FASTK: variants seen among roughly 807,000 people sequenced by gnomAD.
FASTK encodes Fas activated serine/threonine kinase, also known as fas-activated serine/threonine kinase.
Under a neutral mutation model 60.0 loss-of-function variants are expected in FASTK, and 28 were observed. The observed-to-expected ratio is 0.47, with a 90% CI of 0.35 to 0.64. The LOEUF (loss-of-function observed/expected upper bound fraction) is 0.64. Among genes scored for constraint, FASTK ranks in the 30% least tolerant of loss-of-function variants. The probability of loss-of-function intolerance (pLI) is 0.01; values close to 1 mark genes in which losing one functional copy is unlikely to be tolerated. For missense variants in FASTK, 595 were observed against 713.8 expected (o/e 0.83, Z 1.90); for synonymous variants, 325 against 307.9 (o/e 1.06, Z -0.58).
rs1463415685 is a variant in FASTK, at chr7:151,078,636, G to A, written c.751C>T (p.Arg251Trp). ...TCCAGAAGCTGGGGCTCCCGCAACC[G>A]GTGCCGGGCCAGGTGCTGGGCCAGG... ...VLLAQHLARH[R>W]LREPQLLEAI... Residue 251 changes from arginine to tryptophan, a missense_variant, in exon 4 of 10, where the codon CGG (arginine) becomes TGG (tryptophan). Arg to Trp is a moderately radical substitution (Grantham distance 101). Around this residue, in one of 2 missense-constraint regions of FASTK, gnomAD observed 471 missense variants for 605.9 expected, o/e 0.78. Transcript: ENST00000297532. 1.9e-6 allele frequency: 3 copies of A among 1,613,468 alleles called. No homozygotes were observed. Among genetic ancestry groups the A allele is most frequent in the Non-Finnish European group, 2.5e-6 (3 of 1,179,996 alleles).
Position 151,077,605 on chromosome 7 carries a change from A to G in FASTK, c.1199+16T>C. The G allele has an allele frequency of 6.5e-7, 1 of 1,534,920 alleles. No homozygotes were observed. Among genetic ancestry groups the G allele is most frequent in the South Asian group, 1.3e-5 (1 of 79,080 alleles). ...CCAGGCTGGCCCCTCCCCTTGCCCC[A>G]GGCTGCCCCATCCACCTGTACTTGC... is the stretch of plus-strand genomic sequence containing the variant. On this transcript the variant is annotated intron_variant, in intron 6 of 9. Coordinates refer to ENST00000297532, the MANE Select transcript of FASTK (RefSeq NM_006712.5).
chr7:151,079,371 C>CG, intron 2 of FASTK, 129 bp downstream of exon 2: 6 of 894,334 alleles, frequency 6.7e-6, no homozygotes, highest in Non-Finnish European at 1.0e-5. Context: ...AGACATAGGA[C>CG]GGGAGCAGGA....
Position 151,079,582 on chromosome 7 carries a change from G to A in FASTK, c.423C>T (p.Asp141=). Residue 141 remains aspartate (D), a synonymous_variant, in exon 2 of 10, where the codon GAC becomes GAT. Coordinates refer to ENST00000297532, the MANE Select transcript of FASTK (RefSeq NM_006712.5). ...AGTTTCGGATGATGAGCTGACTCAA[G>A]TCCTGCAGTGTGACCTGCTCCACAG... is the stretch of plus-strand genomic sequence containing the variant. ...PPPVEQVTLQ[D]LSQLIIRNCP... 4 of 1,614,030 alleles carry A rather than the reference G, an allele frequency of 2.5e-6. No individual in the cohort carries two copies. The Middle Eastern group carries it at 5.0e-4, about 200-fold the overall frequency.
intron 4 of FASTK, 126 bp from the exon 5 acceptor site, chr7:151,078,218 C>T (rs751858616): frequency 2.7e-6 from 2 of 733,118 alleles, no homozygotes; most frequent in South Asian, 3.7e-5. Flanking sequence ...ACAGTCCCTC[C>T]GGCCTCACAG....
chr7:151,077,739 G>C lies in FASTK; in HGVS notation c.1081C>G (p.Leu361Val). 6.3e-7 allele frequency: 1 copy of C among 1,597,128 alleles called. No homozygotes were observed. ...AGCTCCAGCTCCACGGCCGTGTCCA[G>C]CAGGGAGAGGTAGCGACGCACAATC... Reference protein sequence around the residue: ...ALIVRRYLSLLDTAVELELPG... With the variant: ...ALIVRRYLSLVDTAVELELPG... Residue 361 changes from leucine to valine, a missense_variant, in exon 6 of 10, where the codon CTG (leucine) becomes GTG (valine). By Grantham distance (32) the Leu-to-Val change is conservative (BLOSUM62 1). Around this residue, in one of 2 missense-constraint regions of FASTK, gnomAD observed 471 missense variants for 605.9 expected, o/e 0.78. Coordinates refer to ENST00000297532, the MANE Select transcript of FASTK (RefSeq NM_006712.5).
chr7:151,080,708 G>C lies in FASTK; in HGVS notation c.59C>G (p.Thr20Ser), dbSNP rs1563388818. 2 of 1,384,410 alleles carry C rather than the reference G, an allele frequency of 1.4e-6. No homozygotes were observed. The highest frequency in any genetic ancestry group is 6.2e-5 in the East Asian group (2 of 32,444). The allele number at this position is 1,384,410 out of a possible 1,614,324, so 85.8% of individuals were successfully genotyped here. The change falls in exon 1 of 10, where the codon ACC (threonine) becomes AGC (serine). Residue 20 changes from threonine (T) to serine (S), a missense_variant. Transcript: ENST00000297532. ...PRAPRPTEGA[T>S]CAGPGESWSP... ...ACATGACTCCCCGGGCCCTGCGCAG[G>C]TCGCTCCCTCAGTCGGTCTCGGGGC...
At chr7:151,079,283 G>T in intron 2 of FASTK, 1 of 597,822 alleles carries the variant, frequency 1.7e-6, no homozygotes. Flanking sequence ...GGCTTCCTAG[G>T]GCACTCTATT....
intron 4 of FASTK, 79 bp downstream of exon 4, chr7:151,078,483 C>T: frequency 6.6e-7 from 1 of 1,507,222 alleles, no homozygotes; most frequent in Non-Finnish European, 9.1e-7. Context: ...AAAAGGATAG[C>T]CGAGCTGCAC....
At position 151,077,185 on chromosome 7, in the gene FASTK, T is replaced by C. The variant is rs906773220; in HGVS notation, c.1343A>G (p.Gln448Arg). 6 of 1,613,090 alleles carry C rather than the reference T, an allele frequency of 3.7e-6. No individual in the cohort carries two copies. The highest frequency in any genetic ancestry group is 4.2e-6 in the Non-Finnish European group (5 of 1,179,716). The change falls in exon 8 of 10, where the codon CAG becomes CGG. Residue 448 changes from glutamine (Q) to arginine (R), a missense_variant. Physicochemically the swap from Gln to Arg is conservative, Grantham distance 43. Coordinates refer to ENST00000297532, the MANE Select transcript of FASTK (RefSeq NM_006712.5). ...TGGTGGGTATGGCAGGAAGGGGTCC[T>C]GGGTCCTCACGGGAAGCACAGCACC... ...SSGAVLPVRT[Q>R]DPFLPYPPRS...
rs776857942 is a variant in FASTK at position 151,077,183 on chromosome 7, C to A, written c.1345G>T (p.Asp449Tyr). The A allele has an allele frequency of 2.5e-6, 4 of 1,612,964 alleles. No individual in the cohort carries two copies. The South Asian group carries it at 4.4e-5, about 18-fold the overall frequency. Residue 449 changes from aspartate (D) to tyrosine (Y), a missense_variant, in exon 8 of 10, where the codon GAC (aspartate) becomes TAC (tyrosine). Asp to Tyr is a radical substitution (Grantham distance 160). This residue lies in a region of FASTK where 471 missense variants were observed against 605.9 expected (regional missense o/e 0.78). Coordinates refer to ENST00000297532, the MANE Select transcript of FASTK (RefSeq NM_006712.5). The part of the protein sequence containing the change: ...SGAVLPVRTQ[D>Y]PFLPYPPRSC... ...CTTGGTGGGTATGGCAGGAAGGGGT[C>A]CTGGGTCCTCACGGGAAGCACAGCA... is the stretch of plus-strand genomic sequence containing the variant.
chr7:151,080,747 TC>T lies in FASTK; in HGVS notation c.19del (p.Glu7AsnfsTer48). 6 of 1,303,096 alleles carry T rather than the reference TC, an allele frequency of 4.6e-6. No homozygotes were observed. The highest frequency in any genetic ancestry group is 2.2e-5 in the South Asian group (1 of 45,654). The allele number at this position is 1,303,096 out of a possible 1,614,324, so 80.7% of individuals were successfully genotyped here. A position where few individuals can be genotyped will look rare whatever the true frequency, so the allele number is the denominator to read the frequency against. ...CGGTCTCGGGGCCCGGGGGCCGGGTTCCCCCCGCGGCCTCCTCATCGGCTAG... is the reference window on the plus strand; with the variant it reads ...CGGTCTCGGGGCCCGGGGGCCGGGTTCCCCCGCGGCCTCCTCATCGGCTAG... MRRPRGEPGPRAPRPTE... is the reference protein window; with the variant it reads MRRPRGXPGPRAPRPTE... On this transcript the variant is annotated frameshift_variant, in exon 1 of 10. Transcript: ENST00000297532. LOFTEE classifies it high-confidence loss of function.
At position 151,079,507 on chromosome 7, in the gene FASTK, G is replaced by A. The variant is rs201110749; in HGVS notation, c.498C>T (p.Val166=). 5.0e-5 allele frequency: 80 copies of A among 1,594,190 alleles called. No individual in the cohort carries two copies. Among genetic ancestry groups the A allele is most frequent in the Non-Finnish European group, 6.7e-5 (78 of 1,166,968 alleles). ...HTIHVCLHLA[V]LLGFPSDGPL... is the part of the protein sequence containing the mutation. ...CCTCAAGCCCCTCCTCACCAAGTAA[G>A]ACTGCAAGGTGCAGACACACGTGGA... The change falls in exon 2 of 10, where the codon GTC becomes GTT. Residue 166 remains valine, a synonymous_variant. Coordinates refer to ENST00000297532, the MANE Select transcript of FASTK (RefSeq NM_006712.5).
rs779709184 is a variant in FASTK, at chr7:151,079,902, T to A, written c.103A>T (p.Met35Leu). The A allele has an allele frequency of 2.3e-5, 37 of 1,591,674 alleles. No homozygotes were observed. The South Asian group carries it at 4.2e-4, about 18-fold the overall frequency. Residue 35 changes from methionine (M) to leucine (L), a missense_variant, in exon 2 of 10, where the codon ATG (methionine) becomes TTG (leucine). Physicochemically the swap from Met to Leu is conservative, Grantham distance 15. Transcript: ENST00000297532. ...TGAGCAGAGAGCAGGACTCGAAGCA[T>A]GGAGTTGGGTGATGGAGACCCTGAG... ...GESWSPSPNS[M>L]LRVLLSAQTS...
At position 151,077,292 on chromosome 7, in the gene FASTK, C is replaced by T. The variant is rs773130885; in HGVS notation, c.1291+18G>A. ...CAGGGCTCCGTCTCCCCGGGCCTGC[C>T]GCCTGCCCCTTGCTCACCTGTGCAG... On this transcript the variant is annotated intron_variant, in intron 7 of 9. Transcript: ENST00000297532. 18 of 1,612,564 alleles carry T rather than the reference C, an allele frequency of 1.1e-5. 1 individual carries two copies. Among genetic ancestry groups the T allele is most frequent in the Middle Eastern group, 1.7e-4 (1 of 6,058 alleles).
Position 151,077,972 on chromosome 7 carries a change from C to T in FASTK, c.946G>A (p.Val316Ile), listed in dbSNP as rs1473315811. Residue 316 changes from valine to isoleucine, a missense_variant, in exon 5 of 10, where the codon GTC becomes ATC. Physicochemically the swap from Val to Ile is conservative, Grantham distance 29. Transcript: ENST00000297532. ...TGGCACAGTGACATCAAGATGTTGACTGTAGCCAGGGGTGCCACCCCTGCT... is the reference window on the plus strand; with the variant it reads ...TGGCACAGTGACATCAAGATGTTGATTGTAGCCAGGGGTGCCACCCCTGCT... ...REAGVAPLATVNILMSLCQLR... is the reference protein window; with the variant it reads ...REAGVAPLATINILMSLCQLR... 7 of 1,613,604 alleles carry T rather than the reference C, an allele frequency of 4.3e-6. No homozygotes were observed. Among genetic ancestry groups the T allele is most frequent in the Non-Finnish European group, 5.9e-6 (7 of 1,179,818 alleles).
chr7:151,077,435 C>T, intron 6 of FASTK, 34 bp from the exon 7 acceptor site: 2 of 1,599,956 alleles, frequency 1.3e-6, no homozygotes, highest in Non-Finnish European at 1.7e-6. Context: ...CAGGAAGGGC[C>T]CGGCACCTCA....
chr7:151,079,413 TG>T, intron 2 of FASTK, 86 bp downstream of exon 2: 1 of 1,311,912 alleles, frequency 7.6e-7, no homozygotes, highest in Non-Finnish European at 1.0e-6. Flanking sequence ...CCTGAGAGGC[TG>T]GGTCTCTGTC....
At chr7:151,078,814 C>G in intron 3 of FASTK, 28 bp downstream of exon 3, 2 of 1,607,836 alleles carry the variant, frequency 1.2e-6, no homozygotes, top group Non-Finnish European at 1.7e-6. Context: ...CCTCCCCACC[C>G]CCATCTGATT....
Position 151,077,717 on chromosome 7 carries a change from T to C in FASTK, c.1103A>G (p.Glu368Gly). The stretch of plus-strand genomic sequence containing the variant: ...GCGGGGACCCCGGTATCCTGGGAGC[T>C]CCAGCTCCACGGCCGTGTCCAGCAG... ...LSLLDTAVEL[E>G]LPGYRGPRLP... Residue 368 changes from glutamate to glycine, a missense_variant, in exon 6 of 10, where the codon GAG (glutamate) becomes GGG (glycine). This residue lies in a region of FASTK where 471 missense variants were observed against 605.9 expected (regional missense o/e 0.78). Transcript: ENST00000297532. 2 of 1,592,988 alleles carry C rather than the reference T, an allele frequency of 1.3e-6. No homozygotes were observed. The highest frequency in any genetic ancestry group is 1.7e-6 in the Non-Finnish European group (2 of 1,170,076).
Sources: gnomAD v4.1 joint callset for allele counts on GRCh38, gnomAD v4.1.1 for gene constraint, gnomAD v4.1.1 regional missense constraint, MANE v1.5 for transcripts, NCBI Gene and HGNC (gene_info 2026-07-23, HGNC 2026-07-21) for gene names.